Variants in BTRC observed in about 807,000 individuals in gnomAD.
The protein encoded by BTRC is beta-transducin repeat containing E3 ubiquitin protein ligase.
A neutral mutation model predicts 85.5 loss-of-function variants in BTRC; 42 were observed. That is an observed-to-expected ratio of 0.49 (90% CI 0.38 to 0.64). The LOEUF is 0.64. Among genes scored for constraint, BTRC ranks in the 30% least tolerant of loss-of-function variants. The probability of loss-of-function intolerance (pLI) is 0.00; values close to 1 mark genes in which losing one functional copy is unlikely to be tolerated. For missense variants in BTRC, 594 were observed against 743.5 expected, an observed-to-expected ratio of 0.80 and a Z score of 2.34; for synonymous variants, 255 against 263.3, an observed-to-expected ratio of 0.97 and a Z score of 0.30.
At chr10:101,439,063 A>T (rs1944612350) in intron 2 of BTRC, among the ~76,000 whole-genome samples, 1 of 152,308 alleles carries the variant, frequency 6.6e-6, no homozygotes, top group Non-Finnish European at 1.5e-5. Context: ...GATGGTCCCC[A>T]ACTGTTTACA....
chr10:101,550,564 G>A (rs902752479), intron 13 of BTRC, 135 bp from the exon 14 acceptor site: 45 of 832,162 alleles, frequency 5.4e-5, no homozygotes, highest in Non-Finnish European at 8.4e-5. Context: ...TTACAGGTGT[G>A]AGCCACTGCG....
chr10:101,472,013 C>A (rs981859699), intron 3 of BTRC, among the ~76,000 whole-genome samples: 2 of 152,104 alleles, frequency 1.3e-5, no homozygotes, highest in Non-Finnish European at 2.9e-5. Flanking sequence ...TTATAGTTTC[C>A]CTGGTCAGTC....
chr10:101,390,585 G>A (rs1209675069), intron 1 of BTRC, among the ~76,000 whole-genome samples: 1 of 151,938 alleles, frequency 6.6e-6, no homozygotes, highest in Admixed American at 6.6e-5. Flanking sequence ...TCCCGCCTCG[G>A]TCTCCCAAAG....
intron 5 of BTRC, among the ~76,000 whole-genome samples, chr10:101,525,523 A>G (rs1589596734): frequency 6.6e-6 from 1 of 152,082 alleles, no homozygotes; most frequent in Non-Finnish European, 1.5e-5. Flanking sequence ...AACCCAGCAC[A>G]TTCTGACTTA....
chr10:101,443,242 A>G (rs757662448), intron 2 of BTRC, among the ~76,000 whole-genome samples: 75 of 151,906 alleles, frequency 4.9e-4, no homozygotes, highest in Non-Finnish European at 9.9e-4. Context: ...CAAGTTTTAA[A>G]CCCTCCTAAG....
At chr10:101,357,454 A>G (rs1359003479) in intron 1 of BTRC, among the ~76,000 whole-genome samples, 3 of 151,800 alleles carry the variant, frequency 2.0e-5, no homozygotes, top group East Asian at 1.9e-4. Flanking sequence ...AAAAAAAAAA[A>G]AAAAAAAGGA....
intron 2 of BTRC, among the ~76,000 whole-genome samples, chr10:101,454,023 G>C (rs10883658): frequency 0.37 from 56,258 of 152,112 alleles, 11,603 homozygotes; most frequent in Middle Eastern, 0.49. Context: ...GAGCTTGTAA[G>C]TGCTGTTAAC....
At chr10:101,387,528 C>CTTTTTTTTTATTTTTTTTTT (rs1943111679) in intron 1 of BTRC, among the ~76,000 whole-genome samples, 1 of 45,122 alleles carries the variant, frequency 2.2e-5, no homozygotes, top group Non-Finnish European at 3.4e-5. Context: ...CTTCATGGGA[C>CTTTTTTTTTATTTTTTTTTT]TTTTTTTTTT....
At chr10:101,527,913 T>C (rs566337460) in intron 6 of BTRC, among the ~76,000 whole-genome samples, 1 of 152,280 alleles carries the variant, frequency 6.6e-6, no homozygotes, top group South Asian at 2.1e-4. Context: ...CTTCATACTT[T>C]GGAAATAAAC....
chr10:101,526,584 A>G (rs1015537053), intron 6 of BTRC, among the ~76,000 whole-genome samples: 1 of 152,224 alleles, frequency 6.6e-6, no homozygotes, highest in Non-Finnish European at 1.5e-5. Context: ...GTTTGAGACC[A>G]GCCTGGCCAA....
In BTRC at chr10:101,362,309, C is replaced by G. The variant is rs866664391; in HGVS notation, c.48+8081C>G. Among the ~76,000 whole-genome samples the G allele has an allele frequency of 2.0e-5, 3 of 152,080 alleles. No individual in the cohort carries two copies. The South Asian group carries it at 6.2e-4, about 32-fold the overall frequency. ...TGCTCCTTTCTGTAGTTTGGCTTTC[C>G]TTTCAGGGTATCTGATTTTGCCTTC... On this transcript the variant is annotated intron_variant, in intron 1 of 14. Transcript: ENST00000370187.
chr10:101,533,102 G>A, intron 9 of BTRC, 32 bp downstream of exon 9: 1 of 1,449,454 alleles, frequency 6.9e-7, no homozygotes, highest in East Asian at 2.3e-5. Context: ...TTTGAACTCT[G>A]AAATATCAGC....
intron 3 of BTRC, among the ~76,000 whole-genome samples, chr10:101,473,723 G>A (rs1487848241): frequency 1.3e-5 from 2 of 151,410 alleles, no homozygotes; most frequent in Admixed American, 6.6e-5. Flanking sequence ...TGCCCGCCTC[G>A]GCCTCCAAAG....
rs150427100 is a variant in BTRC, at chr10:101,535,435, A to G, written c.1429A>G (p.Arg477Gly). 1.7e-5 allele frequency: 28 copies of G among 1,613,872 alleles called. No individual in the cohort carries two copies. In the African/African-American group the frequency reaches 3.3e-4, roughly 19 times the overall value. ...CATTGCCTGTTTGCAGTACAGGGAC[A>G]GGCTGGTAGTGAGTGGCTCATCTGA... ...RGIACLQYRD[R>G]LVVSGSSDNT... Residue 477 changes from arginine to glycine, a missense_variant, in exon 11 of 15, where the codon AGG becomes GGG. Arg to Gly is a moderately radical substitution (Grantham distance 125). Around this residue, in one of 4 missense-constraint regions of BTRC, gnomAD observed 373 missense variants for 503.6 expected, o/e 0.74. Transcript: ENST00000370187.
At chr10:101,505,696 T>C (rs1371906989) in intron 4 of BTRC, among the ~76,000 whole-genome samples, 1 of 152,002 alleles carries the variant, frequency 6.6e-6, no homozygotes, top group African/African-American at 2.4e-5. Context: ...TCTTTGTTGA[T>C]AGTTGAAATT....
intron 1 of BTRC, among the ~76,000 whole-genome samples, chr10:101,422,550 A>G (rs762966257): frequency 9.8e-5 from 15 of 152,308 alleles, no homozygotes; most frequent in Non-Finnish European, 1.6e-4. Flanking sequence ...GCCCATGCCT[A>G]TGTCCTGAAT....
chr10:101,498,981 G>A (rs1160820815), intron 4 of BTRC, among the ~76,000 whole-genome samples: 2 of 151,518 alleles, frequency 1.3e-5, no homozygotes, highest in Admixed American at 6.6e-5. Flanking sequence ...CAACAAGAGC[G>A]AGACTCTGTC....
intron 4 of BTRC, among the ~76,000 whole-genome samples, chr10:101,500,980 G>A (rs1371188390): frequency 6.6e-6 from 1 of 152,176 alleles, no homozygotes; most frequent in Non-Finnish European, 1.5e-5. Flanking sequence ...GATCACCTGA[G>A]GTCAAGGAGT....
chr10:101,422,802 G>A (rs1240707588), intron 1 of BTRC, among the ~76,000 whole-genome samples: 1 of 151,946 alleles, frequency 6.6e-6, no homozygotes, highest in Non-Finnish European at 1.5e-5. Flanking sequence ...TATTTCTGAG[G>A]GCTCTGTTCT....
Sources: allele counts gnomAD v4.1 joint callset (sites outside exome capture counted in the v4.1 genomes callset), GRCh38; gene constraint gnomAD v4.1.1; regional missense constraint gnomAD v4.1.1; transcripts MANE v1.5; gene names NCBI Gene and HGNC (gene_info 2026-07-23, HGNC 2026-07-21).